XXYLT1: variants seen among roughly 807,000 people sequenced by gnomAD.
XXYLT1 encodes the protein xyloside xylosyltransferase 1.
Under a neutral mutation model 28.9 loss-of-function variants are expected in XXYLT1, and 20 were observed. The ratio of observed to expected loss-of-function variants is 0.69; its 90% CI spans 0.49 to 1.00. XXYLT1 has a LOEUF of 1.00. Among genes scored for constraint, XXYLT1 ranks in the 50% least tolerant of loss-of-function variants. The pLI is 0.00. For missense variants in XXYLT1, 542 were observed against 560.1 expected (o/e 0.97, Z 0.33); for synonymous variants, 257 against 253.8 (o/e 1.01, Z -0.12).
rs911313703 is a variant in XXYLT1, at chr3:195,121,011, T to G, written c.785+35438A>C. Among the ~76,000 whole-genome samples, 10 of 152,248 alleles carry G rather than the reference T, an allele frequency of 6.6e-5. No homozygotes were observed. In the East Asian group the frequency reaches 1.9e-3, roughly 29 times the overall value. ...GAGGGTGTGTGACGTGTGTTGGAGC[T>G]AAGATTATATAGCTGGGTGGCCTGT... On this transcript the variant is annotated intron_variant, in intron 3 of 3. Transcript: ENST00000310380.
At chr3:195,185,190 G>C (rs1722141456) in intron 2 of XXYLT1, among the ~76,000 whole-genome samples, 1 of 152,138 alleles carries the variant, frequency 6.6e-6, no homozygotes, top group Admixed American at 6.5e-5. Context: ...GGAAGGAACA[G>C]AGGGTGCTGG....
chr3:195,084,942 G>A (rs1388737211), intron 3 of XXYLT1, among the ~76,000 whole-genome samples: 1 of 152,176 alleles, frequency 6.6e-6, no homozygotes, highest in Non-Finnish European at 1.5e-5. Flanking sequence ...CCTGCCAGTT[G>A]CAGAAGCTGA....
chr3:195,129,477 C>T lies in XXYLT1; in HGVS notation c.785+26972G>A, dbSNP rs77121608. On this transcript the variant is annotated intron_variant, in intron 3 of 3. Transcript: ENST00000310380. The surrounding 1 kb of genome is among the most constrained non-coding windows in gnomAD (Gnocchi z 4.4). ...CTTCTGGATATTTCATCTCAATGGACGCATATAGTGCGGTCTTCTGTGACG... is the reference window on the plus strand; with the variant it reads ...CTTCTGGATATTTCATCTCAATGGATGCATATAGTGCGGTCTTCTGTGACG... Among the ~76,000 whole-genome samples the T allele has an allele frequency of 3.7e-3, 568 of 152,302 alleles. 2 individuals carry two copies. Among genetic ancestry groups the T allele is most frequent in the African/African-American group, 0.013 (543 of 41,550 alleles).
At chr3:195,197,919 A>G (rs941086134) in intron 2 of XXYLT1, among the ~76,000 whole-genome samples, 5 of 152,268 alleles carry the variant, frequency 3.3e-5, no homozygotes, top group Admixed American at 3.3e-4. Flanking sequence ...GAAGAGCTCT[A>G]CTGGCCTCAC....
chr3:195,109,973 A>G (rs1294256870), intron 3 of XXYLT1, among the ~76,000 whole-genome samples: 2 of 24,622 alleles, frequency 8.1e-5, no homozygotes, highest in South Asian at 1.4e-3. Context: ...TGTTGTGTGT[A>G]TGTGTGTGGG....
At chr3:195,192,055 C>T (rs1410143295) in intron 2 of XXYLT1, among the ~76,000 whole-genome samples, 1 of 152,186 alleles carries the variant, frequency 6.6e-6, no homozygotes, top group African/African-American at 2.4e-5. Context: ...ACATTCTGCA[C>T]ATTGAAGAAC....
chr3:195,110,328 G>A (rs62645782), intron 3 of XXYLT1, among the ~76,000 whole-genome samples: 2 of 20,594 alleles, frequency 9.7e-5, no homozygotes, highest in African/African-American at 2.0e-4. Context: ...GTGAGGGTGA[G>A]GTGTGTGTAT....
chr3:195,253,880 C>T (rs1374419797), intron 1 of XXYLT1, among the ~76,000 whole-genome samples: 1 of 152,262 alleles, frequency 6.6e-6, no homozygotes, highest in Non-Finnish European at 1.5e-5. Flanking sequence ...GGCCAGCCTA[C>T]CTGGCAGTTT....
rs895217364 is a variant in XXYLT1, at chr3:195,257,627, G to A, written c.504+12928C>T. On this transcript the variant is annotated intron_variant, in intron 1 of 3. Transcript: ENST00000310380. The surrounding 1 kb of genome is among the most constrained non-coding windows in gnomAD (Gnocchi z 4.3). ...CAGCCAGGTACATCCTGGCTGGGCC[G>A]GCACGGGCCCCGTAGCTCTCCCTGT... Among the ~76,000 whole-genome samples, 6 of 152,116 alleles carry A rather than the reference G, an allele frequency of 3.9e-5. No individual in the cohort carries two copies. The highest frequency in any genetic ancestry group is 2.0e-4 in the Admixed American group (3 of 15,280).
intron 1 of XXYLT1, among the ~76,000 whole-genome samples, chr3:195,231,274 TTTTG>T (rs1724287722): frequency 6.6e-6 from 1 of 151,946 alleles, no homozygotes; most frequent in African/African-American, 2.4e-5. Flanking sequence ...ACATTTTTTG[TTTTG>T]TTTTTTGGTG....
At chr3:195,119,944 G>A (rs924164869) in intron 3 of XXYLT1, among the ~76,000 whole-genome samples, 1 of 151,822 alleles carries the variant, frequency 6.6e-6, no homozygotes, top group African/African-American at 2.4e-5. Flanking sequence ...GGGGCGGGGG[G>A]AGCAGCCTGT....
At chr3:195,234,021 A>C (rs1215498140) in intron 1 of XXYLT1, among the ~76,000 whole-genome samples, 1 of 151,226 alleles carries the variant, frequency 6.6e-6, no homozygotes, top group Non-Finnish European at 1.5e-5. Flanking sequence ...GGTTCATGCC[A>C]TTCTCCTGCC....
chr3:195,237,772 G>C (rs1235126817), intron 1 of XXYLT1, among the ~76,000 whole-genome samples: 4 of 151,908 alleles, frequency 2.6e-5, no homozygotes, highest in African/African-American at 9.7e-5. Context: ...CTCTTCTAAG[G>C]TACCGTTTCC....
chr3:195,115,357 C>A lies in XXYLT1; in HGVS notation c.785+41092G>T, dbSNP rs547709747. 9.8e-5 allele frequency among the ~76,000 whole-genome samples: 15 copies of A among 152,286 alleles called. No homozygotes were observed. The South Asian group carries it at 3.1e-3, about 32-fold the overall frequency. On this transcript the variant is annotated intron_variant, in intron 3 of 3. Transcript: ENST00000310380. This position sits in a 1 kb window ranked among gnomAD's most constrained non-coding sequence, Gnocchi z 4.2. ...TCAACTTAGACTGTTCATCCTTCAG[C>A]CTCCTAGAGAGTCCAGGAATGGCTG...
chr3:195,206,751 G>A (rs1303479956), intron 2 of XXYLT1, among the ~76,000 whole-genome samples: 1 of 151,726 alleles, frequency 6.6e-6, no homozygotes, highest in African/African-American at 2.4e-5. Context: ...GGGTGACAGA[G>A]CAAGACTCCG....
intron 2 of XXYLT1, among the ~76,000 whole-genome samples, chr3:195,197,174 C>A (rs917899208): frequency 6.6e-6 from 1 of 152,214 alleles, no homozygotes; most frequent in Non-Finnish European, 1.5e-5. Flanking sequence ...CAGTGGCTCA[C>A]GCCTGTAATC....
At position 195,220,712 on chromosome 3, in the gene XXYLT1, A is replaced by G. The variant is rs1286958236; in HGVS notation, c.652+5997T>C. ...CAGTACAATGAATGGAGCCTATCGC[A>G]TGAAATGCTGAAGGGGTCCTTCGAA... On this transcript the variant is annotated intron_variant, in intron 2 of 3. Transcript: ENST00000310380. Among the ~76,000 whole-genome samples the G allele has an allele frequency of 2.0e-5, 3 of 152,284 alleles. No individual in the cohort carries two copies. In the East Asian group the frequency reaches 5.8e-4, roughly 29 times the overall value.
intron 3 of XXYLT1, among the ~76,000 whole-genome samples, chr3:195,079,067 C>G (rs1045620181): frequency 6.6e-6 from 1 of 152,234 alleles, no homozygotes; most frequent in Non-Finnish European, 1.5e-5. Flanking sequence ...CCCCTGCCCC[C>G]AGATGGTCAG....
At chr3:195,071,665 G>GTGAT (rs113132423) in intron 3 of XXYLT1, among the ~76,000 whole-genome samples, 34,783 of 151,976 alleles carry the variant, frequency 0.23, 5,418 homozygotes, top group East Asian at 0.49. Flanking sequence ...AAAGTCTGCG[G>GTGAT]TGATAGGGTC....
Sources: allele counts gnomAD v4.1 joint callset (sites outside exome capture counted in the v4.1 genomes callset), GRCh38; gene constraint gnomAD v4.1.1; non-coding constraint Gnocchi (gnomAD v3.1); transcripts MANE v1.5; gene names NCBI Gene and HGNC (gene_info 2026-07-23, HGNC 2026-07-21).